The following MACROH2A2 variants were observed in gnomAD, a reference collection of about 807,000 sequenced individuals.
The protein encoded by MACROH2A2 is core histone macro-H2A.2.
A neutral mutation model predicts 37.6 loss-of-function variants in MACROH2A2; 6 were observed. The observed-to-expected ratio is 0.16, with a 90% confidence interval of 0.09 to 0.32. The LOEUF is 0.32. Ranked by LOEUF, MACROH2A2 falls within the 10% of genes least tolerant of loss-of-function variation. The pLI, the probability that MACROH2A2 is intolerant of heterozygous loss-of-function variation, is 1.00. For missense variants in MACROH2A2, 290 were observed against 485.9 expected, an observed-to-expected ratio of 0.60 and a Z score of 3.79; for synonymous variants, 192 against 202.7, an observed-to-expected ratio of 0.95 and a Z score of 0.45.
rs1311694479 is a variant in MACROH2A2, at chr10:70,112,146, C to T, written c.*463C>T. 1.3e-5 allele frequency: 2 copies of T among 152,236 alleles called. No homozygotes were observed. Among genetic ancestry groups the T allele is most frequent in the East Asian group, 1.9e-4 (1 of 5,192 alleles). 9.4% of individuals were successfully genotyped at this position (152,236 alleles called of 1,614,324 possible). ...CTTTTCTCTTTTGTTTTAGTGCCCCCCGCCCCCATCCCTATAATATCTGTA... is the reference window on the plus strand; with the variant it reads ...CTTTTCTCTTTTGTTTTAGTGCCCCTCGCCCCCATCCCTATAATATCTGTA... On this transcript the variant is annotated 3_prime_UTR_variant, in exon 9 of 9. Transcript: ENST00000373255.
intron 2 of MACROH2A2, among the ~76,000 whole-genome samples, chr10:70,084,328 G>C (rs1332284789): frequency 1.3e-5 from 2 of 152,230 alleles, no homozygotes; most frequent in Non-Finnish European, 2.9e-5. Context: ...ACAAAGATTT[G>C]TGTATTTATT....
chr10:70,054,788 G>A (rs1332347592), intron 1 of MACROH2A2, among the ~76,000 whole-genome samples: 1 of 152,132 alleles, frequency 6.6e-6, no homozygotes, highest in East Asian at 1.9e-4. Context: ...ACTGCCCGGC[G>A]GAAAAGTTTA....
At chr10:70,071,551 T>A (rs2072110224) in intron 1 of MACROH2A2, among the ~76,000 whole-genome samples, 1 of 152,218 alleles carries the variant, frequency 6.6e-6, no homozygotes, top group Non-Finnish European at 1.5e-5. Flanking sequence ...ACTACAGTCA[T>A]GCATCACTTA....
chr10:70,091,897 G>C lies in MACROH2A2; in HGVS notation c.420G>C (p.Thr140=), dbSNP rs116804623. Residue 140 remains threonine (T), a synonymous_variant, in exon 4 of 9, where the codon ACG becomes ACC. Transcript: ENST00000373255. ...PPPEKRGRKA[T]SGKKGGKKSK... ...CAGAGAAAAGAGGCAGGAAGGCCACGTCAGGCAAGAAGGGGGGGAAGAAAT... is the reference window on the plus strand; with the variant it reads ...CAGAGAAAAGAGGCAGGAAGGCCACCTCAGGCAAGAAGGGGGGGAAGAAAT... 2.5e-6 allele frequency: 4 copies of C among 1,614,072 alleles called. No individual in the cohort carries two copies. The highest frequency in any genetic ancestry group is 3.4e-6 in the Non-Finnish European group (4 of 1,180,020).
intron 2 of MACROH2A2, among the ~76,000 whole-genome samples, chr10:70,080,266 CA>C (rs1434300705): frequency 2.1e-5 from 3 of 141,294 alleles, no homozygotes; most frequent in Non-Finnish European, 4.6e-5. Flanking sequence ...GCATCAAGAG[CA>C]AAACTCCATC....
At chr10:70,103,396 T>G (rs775941697) in intron 7 of MACROH2A2, among the ~76,000 whole-genome samples, 1 of 152,136 alleles carries the variant, frequency 6.6e-6, no homozygotes, top group Non-Finnish European at 1.5e-5. Context: ...TAAATAGAGA[T>G]GGGTTCTTGC....
At chr10:70,088,635 T>G (rs1008603759) in intron 2 of MACROH2A2, among the ~76,000 whole-genome samples, 28 of 152,348 alleles carry the variant, frequency 1.8e-4, no homozygotes, top group African/African-American at 6.3e-4. Context: ...GCTAAAGTTT[T>G]GGGAAGTATG....
chr10:70,095,932 T>C (rs1229398636), intron 6 of MACROH2A2, among the ~76,000 whole-genome samples, 179 bp downstream of exon 6: 1 of 152,240 alleles, frequency 6.6e-6, no homozygotes, highest in Non-Finnish European at 1.5e-5. Flanking sequence ...TAATTCTGCA[T>C]ATATTTTTGA....
In MACROH2A2 at chr10:70,109,138, A is replaced by G; in HGVS notation, c.884A>G (p.Lys295Arg). ...GAAGAACAGCTTGAAGAGACCATCA[A>G]AAACTGCCTGTCAGCGGCGGAGGAC... is the stretch of plus-strand genomic sequence containing the variant. ...KCEEQLEETI[K>R]NCLSAAEDKK... The change falls in exon 8 of 9, where the codon AAA (lysine) becomes AGA (arginine). Residue 295 changes from lysine (K) to arginine (R), a missense_variant. Transcript: ENST00000373255. 1.2e-6 allele frequency: 2 copies of G among 1,614,208 alleles called. No individual in the cohort carries two copies. The highest frequency in any genetic ancestry group is 1.7e-6 in the Non-Finnish European group (2 of 1,179,994).
At chr10:70,087,236 C>CT (rs573916118) in intron 2 of MACROH2A2, among the ~76,000 whole-genome samples, 117 of 138,732 alleles carry the variant, frequency 8.4e-4, no homozygotes, top group Middle Eastern at 3.8e-3. Context: ...TTTCTTTCTT[C>CT]TTTTTTTTTT....
At chr10:70,064,280 G>A (rs887797408) in intron 1 of MACROH2A2, among the ~76,000 whole-genome samples, 2 of 152,182 alleles carry the variant, frequency 1.3e-5, no homozygotes, top group African/African-American at 4.8e-5. Flanking sequence ...GAGGCAGGGA[G>A]AATTGTTTGA....
At chr10:70,061,670 G>A (rs769537995) in intron 1 of MACROH2A2, among the ~76,000 whole-genome samples, 4 of 151,586 alleles carry the variant, frequency 2.6e-5, no homozygotes, top group South Asian at 4.2e-4. Flanking sequence ...AGAATGTGCC[G>A]GCAGTTGAAC....
intron 1 of MACROH2A2, among the ~76,000 whole-genome samples, chr10:70,054,062 C>T (rs2071996908): frequency 6.6e-6 from 1 of 152,156 alleles, no homozygotes; most frequent in African/African-American, 2.4e-5. Flanking sequence ...GGGGGGCGCC[C>T]TCAGTTCTTG....
At chr10:70,103,147 A>G (rs1314861419) in intron 7 of MACROH2A2, among the ~76,000 whole-genome samples, 1 of 152,104 alleles carries the variant, frequency 6.6e-6, no homozygotes. Flanking sequence ...GGGAGAAGAG[A>G]GCCCCTCACC....
In MACROH2A2 at chr10:70,109,887, A is replaced by G. The variant is rs3793810; in HGVS notation, c.953+680A>G. Among the ~76,000 whole-genome samples the G allele has an allele frequency of 2.9e-3, 447 of 152,318 alleles. 14 individuals carry two copies. The East Asian group carries it at 0.048, about 16-fold the overall frequency. ...GAGGATATCTGCTGTCACATAAAAC[A>G]TATCCTTTCCCTTCATGCCCCTAGC... On this transcript the variant is annotated intron_variant, in intron 8 of 8. Coordinates refer to ENST00000373255, the MANE Select transcript of MACROH2A2 (RefSeq NM_018649.3).
At position 70,075,592 on chromosome 10, in the gene MACROH2A2, C is replaced by G. The variant is rs1017373422; in HGVS notation, c.-59-8C>G. ...CCCTTCCTCAACTCTGTCTTCTTTCCTTTTTAGCATTGTGTTAGTGCCGGG... is the reference window on the plus strand; with the variant it reads ...CCCTTCCTCAACTCTGTCTTCTTTCGTTTTTAGCATTGTGTTAGTGCCGGG... On this transcript the variant is annotated splice_polypyrimidine_tract_variant and splice_region_variant and intron_variant, in intron 1 of 8. Coordinates refer to ENST00000373255, the MANE Select transcript of MACROH2A2 (RefSeq NM_018649.3). This position sits in a 1 kb window ranked among gnomAD's most constrained non-coding sequence, Gnocchi z 5.0. 7.4e-6 allele frequency: 11 copies of G among 1,492,018 alleles called. No individual in the cohort carries two copies. Among genetic ancestry groups the G allele is most frequent in the Non-Finnish European group, 1.0e-5 (11 of 1,075,872 alleles). The allele number at this position is 1,492,018 out of a possible 1,614,324, so 92.4% of individuals were successfully genotyped here.
At chr10:70,061,038 A>G (rs971041457) in intron 1 of MACROH2A2, among the ~76,000 whole-genome samples, 3 of 151,932 alleles carry the variant, frequency 2.0e-5, no homozygotes, top group African/African-American at 7.2e-5. Context: ...TTGTCTTTTT[A>G]TGAAGGCCAT....
At chr10:70,074,058 C>T (rs991426638) in intron 1 of MACROH2A2, among the ~76,000 whole-genome samples, 1 of 152,122 alleles carries the variant, frequency 6.6e-6, no homozygotes, top group African/African-American at 2.4e-5. Context: ...TGCTCCTGAC[C>T]GTTTGTCCCT....
intron 1 of MACROH2A2, among the ~76,000 whole-genome samples, chr10:70,056,110 G>A (rs969603615): frequency 2.0e-5 from 3 of 152,204 alleles, no homozygotes; most frequent in Admixed American, 2.0e-4. Context: ...ATACAAAATG[G>A]ACAGAAAAAG....
Sources: gnomAD v4.1 joint callset for allele counts (sites outside exome capture counted in the v4.1 genomes callset) on GRCh38, gnomAD v4.1.1 for gene constraint, Gnocchi (gnomAD v3.1) non-coding constraint, MANE v1.5 for transcripts, NCBI Gene and HGNC (gene_info 2026-07-23, HGNC 2026-07-21) for gene names.